The following ARHGAP20 variants were observed in gnomAD, a reference collection of about 807,000 sequenced individuals.
ARHGAP20 encodes rho GTPase-activating protein 20.
ARHGAP20 carries 34 observed loss-of-function variants against 73.7 expected under a neutral mutation model. That is an observed-to-expected ratio of 0.46 (90% CI 0.35 to 0.61). ARHGAP20 has a LOEUF of 0.61. Ranked by LOEUF, ARHGAP20 falls within the 20% of genes least tolerant of loss-of-function variation. The pLI is 0.00. For synonymous variants in ARHGAP20, 523 were observed against 518.2 expected (o/e 1.01, Z -0.13); for missense variants, 1,314 against 1,420.9 (o/e 0.92, Z 1.21).
rs1286803196 is a variant in ARHGAP20 at position 110,590,745 on chromosome 11, T to C, written c.1208A>G (p.Asn403Ser). ...TTTTAGTTCTCTGCAGGATTTCACA[T>C]TGGCTGATTGCCTGAAGATACCTTT... ...LTKGIFRQSA[N>S]VKSCRELKEK... The change falls in exon 11 of 15, where the codon AAT becomes AGT. Residue 403 changes from asparagine to serine, a missense_variant. Transcript: ENST00000683387. 3.5e-5 allele frequency: 57 copies of C among 1,614,014 alleles called. No homozygotes were observed. The highest frequency in any genetic ancestry group is 4.8e-5 in the Non-Finnish European group (57 of 1,180,010).
At chr11:110,611,800 A>T (rs1948373107) in intron 6 of ARHGAP20, among the ~76,000 whole-genome samples, 2 of 141,936 alleles carry the variant, frequency 1.4e-5, no homozygotes, top group Admixed American at 1.5e-4. Context: ...TTTCTTCCTT[A>T]GTAGTGTTTT....
chr11:110,646,360 C>T (rs1949193584), intron 2 of ARHGAP20, among the ~76,000 whole-genome samples: 1 of 152,080 alleles, frequency 6.6e-6, no homozygotes, highest in African/African-American at 2.4e-5. Flanking sequence ...AACTACTATC[C>T]TGCCAAATAT....
intron 1 of ARHGAP20, among the ~76,000 whole-genome samples, chr11:110,707,238 C>T (rs373453475): frequency 1.1e-4 from 17 of 152,202 alleles, no homozygotes; most frequent in African/African-American, 4.1e-4. Flanking sequence ...GCATATGAAA[C>T]CAAAAGGTCA....
intron 9 of ARHGAP20, among the ~76,000 whole-genome samples, chr11:110,596,189 C>A (rs1186881475): frequency 1.3e-5 from 2 of 151,912 alleles, no homozygotes; most frequent in African/African-American, 4.8e-5. Context: ...ACCATAAAAA[C>A]CCTAGAAGAA....
At chr11:110,703,247 A>C (rs1304687212) in intron 1 of ARHGAP20, among the ~76,000 whole-genome samples, 1 of 152,172 alleles carries the variant, frequency 6.6e-6, no homozygotes, top group African/African-American at 2.4e-5. Context: ...TTCCTTTCTG[A>C]AGAAAGAATT....
rs527771624 is a variant in ARHGAP20 at position 110,594,974 on chromosome 11, C to A, written c.965-2819G>T. 3.7e-3 allele frequency among the ~76,000 whole-genome samples: 564 copies of A among 151,524 alleles called. 6 individuals carry two copies. Among genetic ancestry groups the A allele is most frequent in the Non-Finnish European group, 6.2e-3 (422 of 67,882 alleles). On this transcript the variant is annotated intron_variant, in intron 9 of 14. Transcript: ENST00000683387. ...TCCAGTGGGCTTCATCCCTGGGATG[C>A]AAGGCTGGTTCAACATACGCAAATC...
At chr11:110,663,217 A>AAAAGT (rs1949652532) in intron 2 of ARHGAP20, among the ~76,000 whole-genome samples, 1 of 151,504 alleles carries the variant, frequency 6.6e-6, no homozygotes, top group African/African-American at 2.4e-5. Context: ...TAGAAAACAG[A>AAAAGT]AAAGTAATAA....
At chr11:110,583,001 G>A (rs1947514771) in intron 13 of ARHGAP20, among the ~76,000 whole-genome samples, 1 of 152,190 alleles carries the variant, frequency 6.6e-6, no homozygotes, top group Non-Finnish European at 1.5e-5. Flanking sequence ...CCATTGAGAG[G>A]TACTGGAACC....
chr11:110,671,454 G>A (rs918208309), intron 2 of ARHGAP20, among the ~76,000 whole-genome samples: 3 of 151,982 alleles, frequency 2.0e-5, no homozygotes, highest in Non-Finnish European at 2.9e-5. Flanking sequence ...AAGACAATAC[G>A]TCTGCTCTTA....
chr11:110,586,419 T>G (rs1055859319), intron 11 of ARHGAP20, 94 bp from the exon 12 acceptor site: 1 of 660,742 alleles, frequency 1.5e-6, no homozygotes, highest in Non-Finnish European at 2.4e-6. Flanking sequence ...AAAAGTTCCC[T>G]TACGTACTCT....
intron 1 of ARHGAP20, among the ~76,000 whole-genome samples, chr11:110,692,224 A>G (rs1950256483): frequency 1.3e-5 from 2 of 152,134 alleles, no homozygotes; most frequent in South Asian, 4.1e-4. Flanking sequence ...AAACTGGGAG[A>G]TAAGCATTTG....
chr11:110,647,069 A>G (rs1184399080), intron 2 of ARHGAP20, among the ~76,000 whole-genome samples: 3 of 152,088 alleles, frequency 2.0e-5, no homozygotes, highest in Non-Finnish European at 4.4e-5. Flanking sequence ...TTGTAAAAGA[A>G]TGGTAGCTGT....
At chr11:110,633,451 T>C (rs1434808600) in intron 2 of ARHGAP20, among the ~76,000 whole-genome samples, 4 of 152,214 alleles carry the variant, frequency 2.6e-5, no homozygotes, top group African/African-American at 9.6e-5. Flanking sequence ...AGTTACGTAG[T>C]GTTAAGTCCA....
intron 4 of ARHGAP20, among the ~76,000 whole-genome samples, chr11:110,617,252 T>C (rs1029787048): frequency 1.3e-5 from 2 of 151,876 alleles, no homozygotes; most frequent in Non-Finnish European, 2.9e-5. Flanking sequence ...TCTCTTTTAT[T>C]TTCTTTTTCT....
At position 110,712,194 on chromosome 11, in the gene ARHGAP20, C is replaced by T. The variant is rs751439808; in HGVS notation, c.38G>A (p.Gly13Glu). ...CAGGGAAGAGGAGCGCCCCGGCTGT[C>T]CCCCTAGAGTCTCCTGCTGGGGGGA... ...AMSPQQETLG[G>E]QPGRSSSLTG... The change falls in exon 1 of 15, where the codon GGA (glycine) becomes GAA (glutamate). Residue 13 changes from glycine to glutamate, a missense_variant. Coordinates refer to ENST00000683387, the MANE Select transcript of ARHGAP20 (RefSeq NM_001384657.1). 1 of 1,359,216 alleles carries T rather than the reference C, an allele frequency of 7.4e-7. No individual in the cohort carries two copies. The highest frequency in any genetic ancestry group is 9.5e-7 in the Non-Finnish European group (1 of 1,050,530). 84.2% of individuals were successfully genotyped at this position (1,359,216 alleles called of 1,614,324 possible). A position where few individuals can be genotyped will look rare whatever the true frequency, so the allele number is the denominator to read the frequency against.
chr11:110,622,082 C>T (rs1156671672), intron 4 of ARHGAP20, among the ~76,000 whole-genome samples: 1 of 152,180 alleles, frequency 6.6e-6, no homozygotes, highest in East Asian at 1.9e-4. Flanking sequence ...TGCTACTTTC[C>T]TTTTTGAGAT....
At chr11:110,679,353 A>AG (rs1480791549) in intron 2 of ARHGAP20, among the ~76,000 whole-genome samples, 1 of 152,218 alleles carries the variant, frequency 6.6e-6, no homozygotes, top group African/African-American at 2.4e-5. Flanking sequence ...AGCAGGGATT[A>AG]GACAAGGGTA....
rs778522864 is a variant in ARHGAP20, at chr11:110,630,826, C to T, written c.189-34G>A. The T allele has an allele frequency of 3.6e-5, 57 of 1,598,760 alleles. No individual in the cohort carries two copies. The Middle Eastern group carries it at 5.0e-4, about 14-fold the overall frequency. Reference sequence around the variant, plus strand: ...GATCAAATGCCACAGATCAGTCAAACGATCATCTTATAGTTGGTCAAGAAC... The same window carrying T: ...GATCAAATGCCACAGATCAGTCAAATGATCATCTTATAGTTGGTCAAGAAC... On this transcript the variant is annotated intron_variant, in intron 2 of 14. Transcript: ENST00000683387.
At chr11:110,689,624 G>T (rs964905303) in intron 2 of ARHGAP20, among the ~76,000 whole-genome samples, 1 of 152,118 alleles carries the variant, frequency 6.6e-6, no homozygotes, top group Non-Finnish European at 1.5e-5. Flanking sequence ...AGTCAGGTGT[G>T]AGCAGGGCAG....
Sources: allele counts gnomAD v4.1 joint callset (sites outside exome capture counted in the v4.1 genomes callset), GRCh38; gene constraint gnomAD v4.1.1; transcripts MANE v1.5; gene names NCBI Gene and HGNC (gene_info 2026-07-23, HGNC 2026-07-21).